CTNNA2: variants seen among roughly 807,000 people sequenced by gnomAD.
CTNNA2 encodes catenin alpha 2.
Under a neutral mutation model 101.0 loss-of-function variants are expected in CTNNA2, and 42 were observed. The ratio of observed to expected loss-of-function variants is 0.42; its 90% CI spans 0.32 to 0.54. CTNNA2 has a LOEUF of 0.54. Among genes scored for constraint, CTNNA2 ranks in the 20% least tolerant of loss-of-function variants. CTNNA2 has a pLI of 0.14. For missense variants in CTNNA2, 871 were observed against 1,223.1 expected (o/e 0.71, Z 4.29); for synonymous variants, 450 against 456.4 (o/e 0.99, Z 0.18).
At chr2:80,300,753 C>A (rs1676207466) in intron 7 of CTNNA2, among the ~76,000 whole-genome samples, 1 of 152,138 alleles carries the variant, frequency 6.6e-6, no homozygotes, top group African/African-American at 2.4e-5. Flanking sequence ...TTATTTCAAT[C>A]ATACATTTGC....
intron 3 of CTNNA2, among the ~76,000 whole-genome samples, chr2:79,326,022 C>T (rs769294747): frequency 6.6e-6 from 1 of 152,152 alleles, no homozygotes; most frequent in Non-Finnish European, 1.5e-5. Context: ...GATGATAAAA[C>T]AGAATAAAGC....
intron 7 of CTNNA2, among the ~76,000 whole-genome samples, chr2:80,208,605 C>T (rs1205513237): frequency 6.6e-6 from 1 of 152,158 alleles, no homozygotes; most frequent in African/African-American, 2.4e-5. Flanking sequence ...GGCAGAAATT[C>T]TGCATCTCAG....
At chr2:79,918,373 A>G (rs1012108459) in intron 7 of CTNNA2, among the ~76,000 whole-genome samples, 1 of 152,190 alleles carries the variant, frequency 6.6e-6, no homozygotes, top group Non-Finnish European at 1.5e-5. Context: ...AGGTGCAAAG[A>G]ACAGGACAAA....
chr2:80,498,571 A>G (rs963446388), intron 9 of CTNNA2, among the ~76,000 whole-genome samples: 2 of 152,128 alleles, frequency 1.3e-5, no homozygotes, highest in Non-Finnish European at 2.9e-5. Context: ...TGCCTTTTAT[A>G]TGCTTAGGGG....
chr2:80,102,913 G>A (rs1012423647), intron 7 of CTNNA2, among the ~76,000 whole-genome samples: 1 of 152,142 alleles, frequency 6.6e-6, no homozygotes, highest in Non-Finnish European at 1.5e-5. Flanking sequence ...TCATAGTTCA[G>A]GACAGTGGGG....
chr2:80,365,849 A>T (rs958627211), intron 7 of CTNNA2, among the ~76,000 whole-genome samples: 1 of 152,168 alleles, frequency 6.6e-6, no homozygotes, highest in African/African-American at 2.4e-5. Flanking sequence ...GTAGCATTGT[A>T]ATTAAGACTT....
intron 12 of CTNNA2, among the ~76,000 whole-genome samples, chr2:80,571,159 C>T (rs1033844655): frequency 6.6e-5 from 10 of 152,136 alleles, no homozygotes; most frequent in African/African-American, 1.7e-4. Context: ...CCTTTATATT[C>T]GAGAAAGGTC....
chr2:80,495,504 A>G (rs1687380279), intron 9 of CTNNA2, among the ~76,000 whole-genome samples: 1 of 152,212 alleles, frequency 6.6e-6, no homozygotes, highest in Admixed American at 6.5e-5. Context: ...GAAGAAAGAG[A>G]GAAATATTGA....
chr2:80,174,570 A>C (rs1057330395), intron 7 of CTNNA2, among the ~76,000 whole-genome samples: 2 of 152,138 alleles, frequency 1.3e-5, no homozygotes, highest in East Asian at 3.8e-4. Context: ...CCGGGTTGCT[A>C]TTCTGAGTTC....
intron 7 of CTNNA2, among the ~76,000 whole-genome samples, chr2:80,104,145 C>T (rs1700727315): frequency 6.6e-6 from 1 of 152,174 alleles, no homozygotes; most frequent in South Asian, 2.1e-4. Flanking sequence ...GGGGGATTGC[C>T]TTCAATAACA....
At chr2:80,240,851 T>C (rs1305486696) in intron 7 of CTNNA2, among the ~76,000 whole-genome samples, 1 of 152,188 alleles carries the variant, frequency 6.6e-6, no homozygotes, top group African/African-American at 2.4e-5. Flanking sequence ...ATGTGTTGGG[T>C]ACATTTTCTG....
intron 7 of CTNNA2, among the ~76,000 whole-genome samples, chr2:80,182,462 C>G (rs1425830888): frequency 1.3e-5 from 2 of 152,212 alleles, no homozygotes; most frequent in Non-Finnish European, 2.9e-5. Flanking sequence ...CACAGACACA[C>G]TGAGGAACAA....
chr2:79,347,631 G>T (rs1677290727), intron 3 of CTNNA2, among the ~76,000 whole-genome samples: 1 of 151,034 alleles, frequency 6.6e-6, no homozygotes, highest in South Asian at 2.1e-4. Flanking sequence ...TATCTCCTTT[G>T]TACACCAACC....
At chr2:80,446,414 T>C (rs1435988648) in intron 9 of CTNNA2, among the ~76,000 whole-genome samples, 1 of 152,244 alleles carries the variant, frequency 6.6e-6, no homozygotes, top group Non-Finnish European at 1.5e-5. Context: ...ACCTGCTTAT[T>C]ACATTGATCT....
At chr2:79,526,237 A>G (rs1240541486) in intron 1 of CTNNA2, among the ~76,000 whole-genome samples, 13 of 152,016 alleles carry the variant, frequency 8.6e-5, no homozygotes, top group Non-Finnish European at 1.5e-5. Flanking sequence ...CTTTATTGTA[A>G]TTATAAAACA....
intron 7 of CTNNA2, among the ~76,000 whole-genome samples, chr2:79,980,798 A>G (rs1691209353): frequency 6.6e-6 from 1 of 152,238 alleles, no homozygotes; most frequent in African/African-American, 2.4e-5. Context: ...TAAAAGCTGC[A>G]TGATCATCAT....
intron 9 of CTNNA2, among the ~76,000 whole-genome samples, chr2:80,429,996 C>G (rs528471394): frequency 6.6e-6 from 1 of 152,254 alleles, no homozygotes; most frequent in Admixed American, 6.5e-5. Flanking sequence ...AGCGTAGAGC[C>G]ATGATTATGA....
At chr2:79,283,078 G>T (rs1304847562) in intron 2 of CTNNA2, among the ~76,000 whole-genome samples, 1 of 77,592 alleles carries the variant, frequency 1.3e-5, no homozygotes, top group Admixed American at 1.4e-4. Context: ...GTCTGTTGAT[G>T]TCCTTTGCCC....
At chr2:79,590,087 T>C (rs1297694995) in intron 1 of CTNNA2, among the ~76,000 whole-genome samples, 11 of 152,206 alleles carry the variant, frequency 7.2e-5, no homozygotes, top group African/African-American at 2.7e-4. Context: ...AGTTTTTCTT[T>C]TAAGTTTAAC....
Sources: allele counts gnomAD v4.1 joint callset (sites outside exome capture counted in the v4.1 genomes callset), GRCh38; gene constraint gnomAD v4.1.1; transcripts MANE v1.5; gene names NCBI Gene and HGNC (gene_info 2026-07-23, HGNC 2026-07-21).